The following FAM228B variants were observed in gnomAD, a reference collection of about 807,000 sequenced individuals.
FAM228B encodes the protein protein FAM228B.
FAM228B carries 38 observed loss-of-function variants against 42.6 expected under a neutral mutation model. The ratio of observed to expected loss-of-function variants is 0.89; its 90% CI spans 0.69 to 1.17. The LOEUF (loss-of-function observed/expected upper bound fraction) is 1.17. Among genes scored for constraint, FAM228B ranks in the 50% most tolerant of loss-of-function variants. The probability of loss-of-function intolerance (pLI) is 0.00; values close to 1 mark genes in which losing one functional copy is unlikely to be tolerated. For missense variants in FAM228B, 344 were observed against 367.3 expected (o/e 0.94, Z 0.52); for synonymous variants, 109 against 122.3 (o/e 0.89, Z 0.72).
chr2:24,091,453 A>G (rs1223027456), intron 2 of FAM228B, among the ~76,000 whole-genome samples: 1 of 152,184 alleles, frequency 6.6e-6, no homozygotes, highest in African/African-American at 2.4e-5. Flanking sequence ...AAAACAAAAA[A>G]CAAACAAATA....
rs538024100 is a variant in FAM228B, at chr2:24,167,400, AT to A, written c.933-225del. On this transcript the variant is annotated intron_variant, in intron 9 of 10. Coordinates refer to ENST00000615575, the MANE Select transcript of FAM228B (RefSeq NM_001145710.2). The stretch of plus-strand genomic sequence containing the variant: ...AATAACCGTGTTTGGGGCTGATTCC[AT>A]TGCAATCATTATAATACCGGAGGAG... Among the ~76,000 whole-genome samples the A allele has an allele frequency of 1.7e-4, 26 of 152,284 alleles. No individual in the cohort carries two copies. In the East Asian group the frequency reaches 4.8e-3, roughly 28 times the overall value.
chr2:24,167,477 A>C, intron 9 of FAM228B, 150 bp from the exon 10 acceptor site: 1 of 922,476 alleles, frequency 1.1e-6, no homozygotes, highest in Non-Finnish European at 1.6e-6. Context: ...CTCACTGTCC[A>C]TTTAAACCTG....
chr2:24,155,504 C>CTTATATATATATATAT (rs1216710906), intron 7 of FAM228B, among the ~76,000 whole-genome samples: 5 of 35,910 alleles, frequency 1.4e-4, no homozygotes, highest in South Asian at 1.3e-3. Context: ...GAAGACCATG[C>CTTATATATATATATAT]ATATATATAT....
At chr2:24,082,230 G>A (rs919706132) in intron 2 of FAM228B, among the ~76,000 whole-genome samples, 8 of 152,138 alleles carry the variant, frequency 5.3e-5, no homozygotes, top group African/African-American at 1.7e-4. Flanking sequence ...TCCTGGGCTC[G>A]TGATCTGTCT....
intron 7 of FAM228B, 47 bp from the exon 8 acceptor site, chr2:24,161,459 A>G (rs1267305868): frequency 2.6e-6 from 3 of 1,164,792 alleles, no homozygotes; most frequent in Admixed American, 2.3e-5. Context: ...AAAAACAACA[A>G]TAAAAAAGAA....
At chr2:24,121,345 T>C, upstream of FAM228B, 1 of 1,571,580 alleles carries the variant, frequency 6.4e-7, no homozygotes, top group Non-Finnish European at 8.7e-7. Context: ...CAACTATGGC[T>C]GGTGGCCAGC....
intron 3 of FAM228B, among the ~76,000 whole-genome samples, chr2:24,111,201 C>A (rs1175886009): frequency 6.6e-6 from 1 of 152,158 alleles, no homozygotes; most frequent in Non-Finnish European, 1.5e-5. Flanking sequence ...GTTGGGACTA[C>A]AGGGGTGTGC....
At chr2:24,094,029 C>CTTTTT (rs57620033) in intron 2 of FAM228B, among the ~76,000 whole-genome samples, 1 of 77,394 alleles carries the variant, frequency 1.3e-5, no homozygotes, top group African/African-American at 5.0e-5. Flanking sequence ...TCGCCACATA[C>CTTTTT]TTTTTTTTTT....
In FAM228B at chr2:24,124,400, A is replaced by G; in HGVS notation, c.39A>G (p.Thr13=). 1 of 1,552,074 alleles carries G rather than the reference A, an allele frequency of 6.4e-7. No individual in the cohort carries two copies. Among genetic ancestry groups the G allele is most frequent in the Non-Finnish European group, 8.7e-7 (1 of 1,147,064 alleles). Residue 13 remains threonine (T), a synonymous_variant, in exon 2 of 11, where the codon ACA becomes ACG. Coordinates refer to ENST00000615575, the MANE Select transcript of FAM228B (RefSeq NM_001145710.2). ...ACAGTGATGATCTGGTAACTGGCAC[A>G]CTTCCCAAGCTCAAGAGCTCAAAAG... ...NVDSDDLVTG[T]LPKLKSSKEW...
At chr2:24,098,327 A>G (rs966280407) in intron 3 of FAM228B, among the ~76,000 whole-genome samples, 1 of 152,236 alleles carries the variant, frequency 6.6e-6, no homozygotes, top group Non-Finnish European at 1.5e-5. Context: ...CCCTTCAAAA[A>G]AATCAAGGAG....
rs922454412 is a variant in FAM228B at position 24,139,548 on chromosome 2, G to T, written c.441+98G>T. 3.0e-5 allele frequency: 17 copies of T among 572,774 alleles called. No homozygotes were observed. In the East Asian group the frequency reaches 4.8e-4, roughly 16 times the overall value. 35.5% of individuals were successfully genotyped at this position (572,774 alleles called of 1,614,324 possible). On this transcript the variant is annotated intron_variant, in intron 5 of 10. Coordinates refer to ENST00000615575, the MANE Select transcript of FAM228B (RefSeq NM_001145710.2). ...AGTCCTTAAGCGATTCCCTAAAAGT[G>T]CAGTAACATTTTAAGCATAGTTTCC...
Position 24,124,315 on chromosome 2 carries a change from T to C in FAM228B, c.-32-15T>C. ...TGACTGTGAAATGTTCAATACTAAA[T>C]AAGATGATTTTTAGTTTTTCCAGGG... On this transcript the variant is annotated splice_polypyrimidine_tract_variant and intron_variant, in intron 1 of 10. Transcript: ENST00000615575. The C allele has an allele frequency of 8.0e-7, 1 of 1,245,786 alleles. No homozygotes were observed. Among genetic ancestry groups the C allele is most frequent in the Non-Finnish European group, 1.1e-6 (1 of 878,912 alleles). The allele number at this position is 1,245,786 out of a possible 1,614,324, so 77.2% of individuals were successfully genotyped here. A position where few individuals can be genotyped will look rare whatever the true frequency, so the allele number is the denominator to read the frequency against.
upstream of FAM228B, chr2:24,122,543 C>G: frequency 6.3e-7 from 1 of 1,591,538 alleles, no homozygotes. Flanking sequence ...CATGTTCCCT[C>G]AACTCTGAAA....
intron 2 of FAM228B, chr2:24,083,006 C>G: frequency 6.2e-7 from 1 of 1,614,162 alleles, no homozygotes; most frequent in Non-Finnish European, 8.5e-7. Flanking sequence ...CGTACTGAGC[C>G]TGGCCCCCAC....
intron 7 of FAM228B, among the ~76,000 whole-genome samples, chr2:24,150,117 G>C (rs1666992108): frequency 5.4e-5 from 2 of 36,838 alleles, no homozygotes; most frequent in African/African-American, 8.4e-5. Flanking sequence ...TATTTAATAA[G>C]ATAAGAGTAT....
chr2:24,124,020 T>A (rs1666228437), intron 1 of FAM228B: 1 of 185,606 alleles, frequency 5.4e-6, no homozygotes, highest in Admixed American at 5.9e-5. Context: ...GTCAGAAAAG[T>A]GTTGCAAATG....
At chr2:24,121,428 G>A (rs1558379311), upstream of FAM228B, 2 of 837,296 alleles carry the variant, frequency 2.4e-6, no homozygotes, top group Non-Finnish European at 3.6e-6. Flanking sequence ...AATGGTTGGG[G>A]AAAAAAAATC....
chr2:24,100,054 C>G (rs1558370292), intron 3 of FAM228B, among the ~76,000 whole-genome samples: 1 of 152,182 alleles, frequency 6.6e-6, no homozygotes, highest in Non-Finnish European at 1.5e-5. Flanking sequence ...GCTGGGAAAA[C>G]TGGCTAGCCA....
intron 9 of FAM228B, among the ~76,000 whole-genome samples, chr2:24,164,990 G>T (rs11686184): frequency 8.6e-5 from 13 of 151,838 alleles, no homozygotes; most frequent in Admixed American, 7.2e-4. Context: ...GAAAGGAGAA[G>T]GTGAGACTTC....
Sources: allele counts gnomAD v4.1 joint callset (sites outside exome capture counted in the v4.1 genomes callset), GRCh38; gene constraint gnomAD v4.1.1; transcripts MANE v1.5; gene names NCBI Gene and HGNC (gene_info 2026-07-23, HGNC 2026-07-21).